PTPRQ: variants seen among roughly 807,000 people sequenced by gnomAD.
PTPRQ encodes the protein phosphatidylinositol phosphatase PTPRQ.
Under a neutral mutation model 246.0 loss-of-function variants are expected in PTPRQ, and 199 were observed. The ratio of observed to expected loss-of-function variants is 0.81; its 90% CI spans 0.72 to 0.91. PTPRQ has a LOEUF of 0.91. Ranked by LOEUF, PTPRQ falls within the 40% of genes least tolerant of loss-of-function variation. The pLI, the probability that PTPRQ is intolerant of heterozygous loss-of-function variation, is 0.00. For synonymous variants in PTPRQ, 869 were observed against 853.2 expected, an observed-to-expected ratio of 1.02 and a Z score of -0.32; for missense variants, 2,624 against 2,528.4, an observed-to-expected ratio of 1.04 and a Z score of -0.81.
chr12:80,542,769 G>C lies in PTPRQ; in HGVS notation c.3761G>C (p.Cys1254Ser). 3.2e-6 allele frequency: 5 copies of C among 1,549,036 alleles called. No individual in the cohort carries two copies. The highest frequency in any genetic ancestry group is 3.5e-6 in the Non-Finnish European group (4 of 1,145,906). Residue 1254 changes from cysteine (C) to serine (S), a missense_variant, in exon 23 of 45, where the codon TGT (cysteine) becomes TCT (serine). By Grantham distance (112) the Cys-to-Ser change is moderately radical. Transcript: ENST00000644991. The stretch of plus-strand genomic sequence containing the variant: ...CCACAAAATTTGACTTTAATCAACT[G>C]TACTTCAGACTTTGTATGGCTGAAA... ...APPQNLTLINCTSDFVWLKWS... is the reference protein window; with the variant it reads ...APPQNLTLINSTSDFVWLKWS...
intron 35 of PTPRQ, among the ~76,000 whole-genome samples, chr12:80,647,952 C>G (rs983093928): frequency 4.6e-5 from 7 of 152,026 alleles, no homozygotes; most frequent in African/African-American, 1.2e-4. Flanking sequence ...GTCCAGCATC[C>G]CCATATTTTT....
At chr12:80,673,928 T>A (rs1399559465) in intron 43 of PTPRQ, among the ~76,000 whole-genome samples, 2 of 152,144 alleles carry the variant, frequency 1.3e-5, no homozygotes, top group East Asian at 3.9e-4. Context: ...TTCCAGGAGC[T>A]ATACTAGACC....
intron 8 of PTPRQ, among the ~76,000 whole-genome samples, chr12:80,475,595 A>T (rs1010035753): frequency 2.0e-5 from 3 of 152,090 alleles, no homozygotes; most frequent in African/African-American, 7.2e-5. Context: ...CAGATCAAGT[A>T]TCTTTTTAAA....
chr12:80,644,493 T>C (rs1458019199), intron 35 of PTPRQ, among the ~76,000 whole-genome samples: 36 of 152,118 alleles, frequency 2.4e-4, no homozygotes, highest in Admixed American at 2.4e-3. Flanking sequence ...TTTTAAAATG[T>C]TAATAAAAAG....
intron 25 of PTPRQ, chr12:80,561,188 G>T (rs1439848929): frequency 6.6e-6 from 1 of 152,196 alleles, no homozygotes; most frequent in Non-Finnish European, 1.5e-5. Context: ...TGTCAGAGAG[G>T]AAATTTGAGC....
rs1176393485 is a variant in PTPRQ, at chr12:80,471,474, A to ATTTT, written c.1040-617_1040-614dup. On this transcript the variant is annotated intron_variant, in intron 7 of 44. Transcript: ENST00000644991. ...ATAGAAGATAATGAAATTATTTAGCATTTTTTTTTTTTTTTTTATTTGAGA... is the reference window on the plus strand; with the variant it reads ...ATAGAAGATAATGAAATTATTTAGCATTTTTTTTTTTTTTTTTTTTTATTTGAGA... 4.1e-3 allele frequency among the ~76,000 whole-genome samples: 298 copies of ATTTT among 73,188 alleles called. 62 individuals are homozygous for ATTTT. The highest frequency in any genetic ancestry group is 8.8e-3 in the African/African-American group (148 of 16,862). The allele number at this position is 73,188 out of a possible 152,430, so 48.0% of individuals were successfully genotyped here.
intron 7 of PTPRQ, among the ~76,000 whole-genome samples, chr12:80,470,157 G>A (rs377182044): frequency 9.5e-4 from 145 of 152,300 alleles, no homozygotes; most frequent in African/African-American, 3.4e-3. Context: ...AATGATATAA[G>A]AAAAACGAGA....
intron 35 of PTPRQ, among the ~76,000 whole-genome samples, chr12:80,635,984 C>G (rs1592743555): frequency 6.6e-6 from 1 of 152,272 alleles, no homozygotes; most frequent in Non-Finnish European, 1.5e-5. Context: ...TAAAGTTGGT[C>G]TTTATCTAAT....
At chr12:80,478,178 G>C (rs2120573374) in intron 8 of PTPRQ, among the ~76,000 whole-genome samples, 1 of 146,960 alleles carries the variant, frequency 6.8e-6, no homozygotes, top group Middle Eastern at 3.4e-3. Context: ...CGCAGCTGGA[G>C]ATCTGAGAAA....
chr12:80,645,282 G>T (rs1435805639), intron 35 of PTPRQ, among the ~76,000 whole-genome samples: 2 of 151,884 alleles, frequency 1.3e-5, no homozygotes, highest in Non-Finnish European at 2.9e-5. Flanking sequence ...TATCTGCTAT[G>T]GCTTTTGCTT....
intron 26 of PTPRQ, among the ~76,000 whole-genome samples, chr12:80,597,861 A>C (rs1442147226): frequency 2.0e-5 from 3 of 151,880 alleles, no homozygotes; most frequent in African/African-American, 7.2e-5. Flanking sequence ...TGGCCTGGAG[A>C]CACATTTTGA....
chr12:80,629,839 C>A (rs1165920542), intron 33 of PTPRQ, among the ~76,000 whole-genome samples: 1 of 152,080 alleles, frequency 6.6e-6, no homozygotes, highest in South Asian at 2.1e-4. Context: ...AAAGGTGGAG[C>A]AAAGTGAATG....
At chr12:80,573,931 G>C (rs1776405358) in intron 25 of PTPRQ, among the ~76,000 whole-genome samples, 1 of 151,964 alleles carries the variant, frequency 6.6e-6, no homozygotes, top group South Asian at 2.1e-4. Flanking sequence ...ATAGTGTTTT[G>C]CAAAATGTCT....
intron 35 of PTPRQ, among the ~76,000 whole-genome samples, chr12:80,645,412 A>T (rs890724955): frequency 6.6e-6 from 1 of 152,052 alleles, no homozygotes; most frequent in Admixed American, 6.5e-5. Context: ...TTCAATTCAG[A>T]TATTCCCTCA....
intron 37 of PTPRQ, among the ~76,000 whole-genome samples, chr12:80,650,690 C>A (rs538795137): frequency 6.6e-6 from 1 of 152,014 alleles, no homozygotes; most frequent in South Asian, 2.1e-4. Flanking sequence ...ATCAATAGTG[C>A]CATAAAATTC....
chr12:80,564,892 A>G (rs1466348275), intron 25 of PTPRQ, among the ~76,000 whole-genome samples: 2 of 152,214 alleles, frequency 1.3e-5, no homozygotes, highest in Non-Finnish European at 2.9e-5. Context: ...TGAAGTAGGG[A>G]AATTTACTTT....
chr12:80,661,174 T>G (rs1445568661), intron 39 of PTPRQ, among the ~76,000 whole-genome samples: 1 of 151,496 alleles, frequency 6.6e-6, no homozygotes, highest in Non-Finnish European at 1.5e-5. Flanking sequence ...AGATGAAGAA[T>G]CTCTGCTTTT....
chr12:80,510,374 C>A lies in PTPRQ; in HGVS notation c.2609C>A (p.Thr870Lys), dbSNP rs1056513479. ...TCTGTAAAACAGTTGTCTGGTGTCA[C>A]GGTGAAGTTGTCATGGCAACCACCC... is the stretch of plus-strand genomic sequence containing the variant. ...DFSVKQLSGVTVKLSWQPPLE... is the reference protein window; with the variant it reads ...DFSVKQLSGVKVKLSWQPPLE... Residue 870 changes from threonine to lysine, a missense_variant, in exon 17 of 45, where the codon ACG becomes AAG. Coordinates refer to ENST00000644991, the MANE Select transcript of PTPRQ (RefSeq NM_001145026.2). The A allele has an allele frequency of 6.5e-7, 1 of 1,550,070 alleles. No individual in the cohort carries two copies.
chr12:80,451,345 A>C (rs1472141946), intron 3 of PTPRQ, among the ~76,000 whole-genome samples: 1 of 116,336 alleles, frequency 8.6e-6, no homozygotes, highest in Non-Finnish European at 1.8e-5. Context: ...GGATTCATTA[A>C]TTTTTTGAAG....
Sources: gnomAD v4.1 joint callset for allele counts (sites outside exome capture counted in the v4.1 genomes callset) on GRCh38, gnomAD v4.1.1 for gene constraint, MANE v1.5 for transcripts, NCBI Gene and HGNC (gene_info 2026-07-23, HGNC 2026-07-21) for gene names.